NRXN1: variants seen among roughly 807,000 people sequenced by gnomAD.
NRXN1 encodes neurexin 1.
Under a neutral mutation model 150.9 loss-of-function variants are expected in NRXN1, and 39 were observed. That is an observed-to-expected ratio of 0.26 (90% CI 0.20 to 0.34). The LOEUF is 0.34. Among genes scored for constraint, NRXN1 ranks in the 10% least tolerant of loss-of-function variants. NRXN1 has a pLI of 1.00. For missense variants in NRXN1, 1,815 were observed against 1,949.9 expected (o/e 0.93, Z 1.30); for synonymous variants, 924 against 757.0 (o/e 1.22, Z -3.62).
At chr2:50,797,339 G>A (rs546137109) in intron 5 of NRXN1, among the ~76,000 whole-genome samples, 2 of 152,172 alleles carry the variant, frequency 1.3e-5, no homozygotes, top group South Asian at 4.1e-4. Context: ...AATCACTGGA[G>A]ATATTGCTCC....
At chr2:50,688,085 T>C (rs1228868819) in intron 5 of NRXN1, among the ~76,000 whole-genome samples, 1 of 152,216 alleles carries the variant, frequency 6.6e-6, no homozygotes, top group African/African-American at 2.4e-5. Flanking sequence ...CTAGGTGAGA[T>C]AGAGGTAATC....
intron 5 of NRXN1, among the ~76,000 whole-genome samples, chr2:50,855,676 A>G (rs1244219831): frequency 6.6e-6 from 1 of 152,072 alleles, no homozygotes; most frequent in Non-Finnish European, 1.5e-5. Flanking sequence ...TTGGAAATTT[A>G]AAATAATTTT....
intron 5 of NRXN1, among the ~76,000 whole-genome samples, chr2:50,673,921 C>G (rs1689193466): frequency 6.6e-6 from 1 of 151,958 alleles, no homozygotes; most frequent in Admixed American, 6.6e-5. Context: ...AACCATCATT[C>G]TCATCAAACT....
intron 5 of NRXN1, among the ~76,000 whole-genome samples, chr2:50,842,998 C>G (rs374199314): frequency 6.6e-6 from 1 of 152,250 alleles, no homozygotes; most frequent in East Asian, 1.9e-4. Flanking sequence ...GAATCCAAAT[C>G]ATTTACAGAT....
intron 17 of NRXN1, among the ~76,000 whole-genome samples, chr2:50,269,440 G>C (rs116454366): frequency 6.6e-6 from 1 of 152,064 alleles, no homozygotes; most frequent in Non-Finnish European, 1.5e-5. Context: ...TTACGTCTAC[G>C]TATTTACACA....
Position 50,538,687 on chromosome 2 carries a change from T to C in NRXN1, c.1760-51A>G, listed in dbSNP as rs896642582. ...AGGTCTTTAAAAAGCACCAACGTGT[T>C]ATAATTATCTTTCTCTCTTTCGTCT... is the stretch of plus-strand genomic sequence containing the variant. On this transcript the variant is annotated intron_variant, in intron 9 of 22. Coordinates refer to ENST00000401669, the MANE Select transcript of NRXN1 (RefSeq NM_001330078.2). 2.2e-6 allele frequency: 3 copies of C among 1,372,988 alleles called. No homozygotes were observed. The African/African-American group carries it at 4.4e-5, about 20-fold the overall frequency. 85.1% of individuals were successfully genotyped at this position (1,372,988 alleles called of 1,614,324 possible).
chr2:49,984,718 AACACACACAC>A (rs149322054), intron 21 of NRXN1, among the ~76,000 whole-genome samples: 97 of 146,954 alleles, frequency 6.6e-4, no homozygotes, highest in African/African-American at 2.2e-3. Flanking sequence ...AGAACACACA[AACACACACAC>A]ACACACACAC....
intron 8 of NRXN1, among the ~76,000 whole-genome samples, chr2:50,608,630 T>C (rs1354095592): frequency 6.6e-6 from 1 of 152,170 alleles, no homozygotes; most frequent in African/African-American, 2.4e-5. Context: ...AAATAATAAC[T>C]AAAGGTAATG....
chr2:50,968,551 C>G (rs1034897063), intron 2 of NRXN1, among the ~76,000 whole-genome samples: 4 of 152,080 alleles, frequency 2.6e-5, no homozygotes, highest in Non-Finnish European at 5.9e-5. Context: ...CTTCCTGTTT[C>G]TGACTCAATA....
At chr2:50,895,267 T>A (rs959169827) in intron 5 of NRXN1, among the ~76,000 whole-genome samples, 1 of 152,118 alleles carries the variant, frequency 6.6e-6, no homozygotes, top group Non-Finnish European at 1.5e-5. Context: ...AAGTAAGGAA[T>A]CCAATAAAAA....
chr2:49,993,625 G>T (rs1422908233), intron 21 of NRXN1, among the ~76,000 whole-genome samples: 6 of 152,168 alleles, frequency 3.9e-5, no homozygotes, highest in Non-Finnish European at 8.8e-5. Flanking sequence ...GATAATGAGG[G>T]AAGCTATCCA....
At chr2:50,229,006 A>T (rs1033967259) in intron 18 of NRXN1, among the ~76,000 whole-genome samples, 2 of 151,994 alleles carry the variant, frequency 1.3e-5, no homozygotes, top group Non-Finnish European at 2.9e-5. Flanking sequence ...AGACATCACA[A>T]ATTGTTTTCA....
intron 5 of NRXN1, among the ~76,000 whole-genome samples, chr2:50,670,075 A>T (rs1007591480): frequency 6.6e-6 from 1 of 151,830 alleles, no homozygotes; most frequent in Non-Finnish European, 1.5e-5. Flanking sequence ...ACTGTATTCA[A>T]TTATTTTTAA....
chr2:50,409,540 C>T (rs982229920), intron 17 of NRXN1, among the ~76,000 whole-genome samples: 1 of 152,156 alleles, frequency 6.6e-6, no homozygotes, highest in Non-Finnish European at 1.5e-5. Flanking sequence ...TACTTAAGCA[C>T]CCTCTTTTGC....
At chr2:50,696,202 GTGTGTGTGTGTA>G (rs1168850075) in intron 5 of NRXN1, 1 of 151,878 alleles carries the variant, frequency 6.6e-6, no homozygotes, top group African/African-American at 2.4e-5. Flanking sequence ...GTGTGTGTGT[GTGTGTGTGTGTA>G]TGTATACACA....
intron 9 of NRXN1, among the ~76,000 whole-genome samples, chr2:50,548,541 A>ATT (rs869061345): frequency 6.7e-6 from 1 of 150,282 alleles, no homozygotes; most frequent in African/African-American, 2.4e-5. Flanking sequence ...ATTTTATTTT[A>ATT]TTTTTTTTTA....
At chr2:50,535,301 C>T (rs2093226634) in intron 10 of NRXN1, among the ~76,000 whole-genome samples, 1 of 152,220 alleles carries the variant, frequency 6.6e-6, no homozygotes. Flanking sequence ...GGGGAGAAAA[C>T]CAGTTTCAAC....
At chr2:49,955,853 A>C (rs1674846130) in intron 21 of NRXN1, among the ~76,000 whole-genome samples, 1 of 152,234 alleles carries the variant, frequency 6.6e-6, no homozygotes, top group East Asian at 1.9e-4. Context: ...AATCAAATCT[A>C]TATCTACTGA....
chr2:50,718,767 G>A (rs931439455), intron 5 of NRXN1, among the ~76,000 whole-genome samples: 5 of 152,000 alleles, frequency 3.3e-5, no homozygotes, highest in African/African-American at 1.2e-4. Context: ...TTTCATACTT[G>A]AGAGAACTAT....
Sources: gnomAD v4.1 joint callset for allele counts (sites outside exome capture counted in the v4.1 genomes callset) on GRCh38, gnomAD v4.1.1 for gene constraint, MANE v1.5 for transcripts, NCBI Gene and HGNC (gene_info 2026-07-23, HGNC 2026-07-21) for gene names.